INPP4A: variants seen among roughly 807,000 people sequenced by gnomAD.
The protein encoded by INPP4A is inositol polyphosphate-4-phosphatase, type I, 107kD.
In INPP4A, 33 loss-of-function variants were observed where a neutral mutation model predicts 119.8. That is an observed-to-expected ratio of 0.28 (90% CI 0.21 to 0.37). The LOEUF (loss-of-function observed/expected upper bound fraction) is 0.37, where lower values mean the gene tolerates loss of function less well. Ranked by LOEUF, INPP4A falls within the 10% of genes least tolerant of loss-of-function variation. INPP4A has a pLI of 1.00. For synonymous variants in INPP4A, 496 were observed against 500.7 expected, an observed-to-expected ratio of 0.99 and a Z score of 0.12; for missense variants, 956 against 1,289.9, an observed-to-expected ratio of 0.74 and a Z score of 3.97.
In INPP4A at chr2:98,469,494, C is replaced by T. The variant is rs192806227; in HGVS notation, c.-166+24409C>T. Among the ~76,000 whole-genome samples the T allele has an allele frequency of 5.2e-3, 765 of 146,060 alleles. 11 individuals are homozygous for T. Among genetic ancestry groups the T allele is most frequent in the African/African-American group, 0.018 (703 of 39,280 alleles). ...CAGCCTGGGCAACAGAGCAAGACTC[C>T]GTCTCAAAAAAAAAAAAAAGAACTT... On this transcript the variant is annotated intron_variant, in intron 1 of 24. Transcript: ENST00000409851.
rs778137768 is a variant in INPP4A at position 98,536,105 on chromosome 2, G to A, written c.388-24G>A. The A allele has an allele frequency of 2.6e-6, 4 of 1,515,130 alleles. No individual in the cohort carries two copies. In the Admixed American group the frequency reaches 5.1e-5, roughly 19 times the overall value. The allele number at this position is 1,515,130 out of a possible 1,614,324, so 93.9% of individuals were successfully genotyped here. A position where few individuals can be genotyped will look rare whatever the true frequency, so the allele number is the denominator to read the frequency against. On this transcript the variant is annotated intron_variant, in intron 6 of 24. Coordinates refer to ENST00000409851, the MANE Select transcript of INPP4A (RefSeq NM_001134225.2). ...GAAGCAAAGCAAGCGCACCAATGCT[G>A]CCTCTCTTCCTTCTCTTCCTCAGAT...
At chr2:98,533,524 G>A (rs371653493) in intron 5 of INPP4A, 29 bp downstream of exon 5, 25 of 1,329,974 alleles carry the variant, frequency 1.9e-5, no homozygotes, top group Non-Finnish European at 2.5e-5. Flanking sequence ...TCTCTGAGGG[G>A]CTGTGGGACA....
intron 21 of INPP4A, among the ~76,000 whole-genome samples, chr2:98,567,878 G>T (rs891518932): frequency 2.6e-5 from 4 of 152,194 alleles, no homozygotes; most frequent in Non-Finnish European, 1.5e-5. Flanking sequence ...CCCTCTGAGG[G>T]ATGCTCTCGG....
intron 1 of INPP4A, among the ~76,000 whole-genome samples, chr2:98,503,393 T>A (rs1683488761): frequency 6.6e-6 from 1 of 152,252 alleles, no homozygotes; most frequent in Non-Finnish European, 1.5e-5. Flanking sequence ...TTCTCTGTCC[T>A]TGATACACAA....
chr2:98,491,349 A>G (rs953431906), intron 1 of INPP4A, among the ~76,000 whole-genome samples: 3 of 152,230 alleles, frequency 2.0e-5, no homozygotes, highest in Non-Finnish European at 2.9e-5. Context: ...GGGAGCAGAA[A>G]GTCAGCTGAG....
At chr2:98,475,724 C>T (rs190850007) in intron 1 of INPP4A, among the ~76,000 whole-genome samples, 89 of 152,210 alleles carry the variant, frequency 5.8e-4, no homozygotes, top group African/African-American at 2.1e-3. Context: ...GTTCAGCCAC[C>T]CTCTCCCTTC....
chr2:98,563,532 C>G lies in INPP4A; in HGVS notation c.1923C>G (p.Asp641Glu). The change falls in exon 18 of 25, where the codon GAC becomes GAG. Residue 641 changes from aspartate to glutamate, a missense_variant. Coordinates refer to ENST00000409851, the MANE Select transcript of INPP4A (RefSeq NM_001134225.2). ...TLTDCVAMMS[D>E]KAKKAMVFLL... ...CCGACTGCGTGGCCATGATGAGTGA[C>G]AAGGCCAAGAAGGCCATGGTATTCC... 1 of 1,613,992 alleles carries G rather than the reference C, an allele frequency of 6.2e-7. No homozygotes were observed. The highest frequency in any genetic ancestry group is 8.5e-7 in the Non-Finnish European group (1 of 1,179,864).
intron 4 of INPP4A, among the ~76,000 whole-genome samples, chr2:98,524,260 A>G (rs562757280): frequency 2.3e-4 from 33 of 142,112 alleles, no homozygotes; most frequent in Admixed American, 7.9e-4. Context: ...GCATTTATTT[A>G]GTGTTTATTC....
At chr2:98,565,521 C>A in intron 19 of INPP4A, 119 bp from the exon 20 acceptor site, 4 of 1,098,472 alleles carry the variant, frequency 3.6e-6, no homozygotes, top group Non-Finnish European at 5.0e-6. Context: ...CCCCCTCCAC[C>A]AGAGCCACAC....
intron 19 of INPP4A, among the ~76,000 whole-genome samples, chr2:98,565,256 T>C (rs1696218496): frequency 6.6e-6 from 1 of 152,244 alleles, no homozygotes; most frequent in Non-Finnish European, 1.5e-5. Flanking sequence ...CGAATAGATA[T>C]CAAGCCCTGT....
intron 2 of INPP4A, chr2:98,519,413 C>A (rs953082204): frequency 5.3e-5 from 8 of 152,254 alleles, no homozygotes; most frequent in African/African-American, 1.7e-4. Flanking sequence ...ACATGCTTTG[C>A]GGGAAGGAAA....
At chr2:98,488,990 G>T (rs528321231) in intron 1 of INPP4A, among the ~76,000 whole-genome samples, 1 of 147,500 alleles carries the variant, frequency 6.8e-6, no homozygotes, top group Non-Finnish European at 1.5e-5. Flanking sequence ...TGTGTAAATG[G>T]TGTAGTTTGT....
At chr2:98,521,936 G>T (rs1553489291) in intron 4 of INPP4A, among the ~76,000 whole-genome samples, 1 of 151,880 alleles carries the variant, frequency 6.6e-6, no homozygotes, top group Non-Finnish European at 1.5e-5. Context: ...TAATAAAAAA[G>T]AAACAAAAAA....
chr2:98,502,747 G>A (rs570029498), intron 1 of INPP4A, among the ~76,000 whole-genome samples: 1 of 152,302 alleles, frequency 6.6e-6, no homozygotes, highest in East Asian at 1.9e-4. Flanking sequence ...TGTGACTTTT[G>A]TGAGCAGTCT....
chr2:98,584,337 T>C (rs994184995), intron 24 of INPP4A, among the ~76,000 whole-genome samples: 6 of 152,258 alleles, frequency 3.9e-5, no homozygotes, highest in Non-Finnish European at 8.8e-5. Context: ...CCAATGCCTG[T>C]AGTGGTGACT....
At chr2:98,553,107 A>G in intron 14 of INPP4A, 138 bp downstream of exon 14, 2 of 706,236 alleles carry the variant, frequency 2.8e-6, no homozygotes, top group Admixed American at 2.9e-5. Context: ...CCTTAGGTCC[A>G]TTTCGCACAA....
chr2:98,544,048 CACA>C, intron 11 of INPP4A, 41 bp downstream of exon 11: 1 of 1,288,848 alleles, frequency 7.8e-7, no homozygotes, highest in African/African-American at 1.9e-5. Context: ...CGCGTGCGCA[CACA>C]CACACACACA....
At chr2:98,563,318 T>C in intron 17 of INPP4A, 147 bp from the exon 18 acceptor site, 1 of 731,978 alleles carries the variant, frequency 1.4e-6, no homozygotes, top group Non-Finnish European at 2.2e-6. Context: ...AGAGACTGGG[T>C]TGGTTCCAGA....
At position 98,456,280 on chromosome 2, in the gene INPP4A, A is replaced by G. The variant is rs568730031; in HGVS notation, c.-166+11195A>G. Among the ~76,000 whole-genome samples the G allele has an allele frequency of 1.5e-3, 226 of 152,352 alleles. 1 individual carries two copies. Among genetic ancestry groups the G allele is most frequent in the African/African-American group, 5.0e-3 (206 of 41,592 alleles). On this transcript the variant is annotated intron_variant, in intron 1 of 24. Transcript: ENST00000409851. ...ATGGATACAACTATATAAGTTGTAG[A>G]AGGTGCTCTGAACACGTTACAGGGA...
Sources: gnomAD v4.1 joint callset for allele counts (sites outside exome capture counted in the v4.1 genomes callset) on GRCh38, gnomAD v4.1.1 for gene constraint, MANE v1.5 for transcripts, NCBI Gene and HGNC (gene_info 2026-07-23, HGNC 2026-07-21) for gene names.